Variants in AGBL1 observed in about 807,000 individuals in gnomAD.
AGBL1 encodes AGBL carboxypeptidase 1.
Under a neutral mutation model 118.9 loss-of-function variants are expected in AGBL1, and 130 were observed. That is an observed-to-expected ratio of 1.09 (90% CI 0.95 to 1.26). AGBL1 has a LOEUF of 1.26. Ranked by LOEUF, AGBL1 falls within the 50% of genes most tolerant of loss-of-function variation. The pLI is 0.00. For missense variants in AGBL1, 1,584 were observed against 1,298.1 expected, an observed-to-expected ratio of 1.22 and a Z score of -3.38; for synonymous variants, 555 against 478.9, an observed-to-expected ratio of 1.16 and a Z score of -2.08.
chr15:86,817,772 A>G (rs1408770326), intron 22 of AGBL1, among the ~76,000 whole-genome samples: 2 of 152,058 alleles, frequency 1.3e-5, no homozygotes, highest in Admixed American at 1.3e-4. Flanking sequence ...ATGTGTGTTT[A>G]TTTGCAAACA....
At chr15:86,546,297 G>A (rs1018153255) in intron 20 of AGBL1, among the ~76,000 whole-genome samples, 164 bp downstream of exon 20, 1 of 150,834 alleles carries the variant, frequency 6.6e-6, no homozygotes, top group Non-Finnish European at 1.5e-5. Context: ...CTGGAAGCAT[G>A]TGTAACCTCT....
chr15:86,565,287 G>A (rs1317264656), intron 21 of AGBL1, among the ~76,000 whole-genome samples: 1 of 152,176 alleles, frequency 6.6e-6, no homozygotes, highest in Non-Finnish European at 1.5e-5. Flanking sequence ...CTTTGATGAT[G>A]GTGACGTACA....
chr15:86,787,671 A>G (rs183943974), intron 22 of AGBL1, among the ~76,000 whole-genome samples: 169 of 152,218 alleles, frequency 1.1e-3, no homozygotes, highest in African/African-American at 3.9e-3. Flanking sequence ...TTTGCCTAAT[A>G]TGAATAGTCC....
At chr15:86,225,612 G>T (rs2078349488) in intron 6 of AGBL1, among the ~76,000 whole-genome samples, 1 of 152,144 alleles carries the variant, frequency 6.6e-6, no homozygotes, top group African/African-American at 2.4e-5. Context: ...TCAATTTCAT[G>T]TGTGCAATAT....
At chr15:86,186,684 C>A (rs1373863091) in intron 5 of AGBL1, among the ~76,000 whole-genome samples, 1 of 152,206 alleles carries the variant, frequency 6.6e-6, no homozygotes, top group Non-Finnish European at 1.5e-5. Context: ...CAGAGGGTAT[C>A]ATTACTTTCA....
Position 86,914,772 on chromosome 15 carries a change from A to G in AGBL1, c.*7478A>G, listed in dbSNP as rs1469213338. On this transcript the variant is annotated 3_prime_UTR_variant, in exon 23 of 23. Coordinates refer to ENST00000614907, the MANE Select transcript of AGBL1 (RefSeq NM_001386094.1). Reference sequence around the variant, plus strand: ...ACTCTTAAACTTGCTCTCCAAGGAAAAACATCTTTCTTCAAAGACCCCTAA... The same window carrying G: ...ACTCTTAAACTTGCTCTCCAAGGAAGAACATCTTTCTTCAAAGACCCCTAA... 3 of 152,184 alleles carry G rather than the reference A, an allele frequency of 2.0e-5. No individual in the cohort carries two copies. The South Asian group carries it at 6.2e-4, about 32-fold the overall frequency. The allele number at this position is 152,184 out of a possible 1,614,324, so 9.4% of individuals were successfully genotyped here.
At position 86,736,199 on chromosome 15, in the gene AGBL1, G is replaced by A. The variant is rs113893141; in HGVS notation, c.3158+61763G>A. Among the ~76,000 whole-genome samples the A allele has an allele frequency of 2.5e-4, 38 of 152,216 alleles. 2 individuals are homozygous for A. The highest frequency in any genetic ancestry group is 8.9e-4 in the African/African-American group (37 of 41,540). ...ACATCAAGACCATCCTGTCCAATAT[G>A]GTGAAACCCATCTCTACTAAAAATA... On this transcript the variant is annotated intron_variant, in intron 22 of 22. Transcript: ENST00000614907.
At chr15:86,340,495 C>T (rs1247282497) in intron 17 of AGBL1, among the ~76,000 whole-genome samples, 2 of 152,050 alleles carry the variant, frequency 1.3e-5, no homozygotes, top group Non-Finnish European at 2.9e-5. Flanking sequence ...ATGCAGAGCC[C>T]AAGATTAGGG....
chr15:86,856,150 T>C (rs537831091), intron 22 of AGBL1, among the ~76,000 whole-genome samples: 48 of 152,308 alleles, frequency 3.2e-4, no homozygotes, highest in African/African-American at 9.6e-4. Flanking sequence ...CTTTCACAGT[T>C]AGCTCCAGGC....
intron 22 of AGBL1, among the ~76,000 whole-genome samples, chr15:86,730,703 A>G (rs1426821357): frequency 1.3e-5 from 2 of 152,196 alleles, no homozygotes; most frequent in African/African-American, 2.4e-5. Flanking sequence ...AACTGCTTGG[A>G]AAAAAATAAG....
intron 18 of AGBL1, among the ~76,000 whole-genome samples, chr15:86,476,748 A>C (rs1281588939): frequency 2.6e-5 from 4 of 152,188 alleles, no homozygotes; most frequent in African/African-American, 4.8e-5. Flanking sequence ...ACATCTACGG[A>C]ACTCTCCACC....
At chr15:86,206,042 G>T (rs937113022) in intron 5 of AGBL1, among the ~76,000 whole-genome samples, 2 of 152,084 alleles carry the variant, frequency 1.3e-5, no homozygotes, top group African/African-American at 4.8e-5. Context: ...TGTTCTCATT[G>T]TTCGATTCTG....
chr15:86,771,857 C>T (rs1275149001), intron 22 of AGBL1, among the ~76,000 whole-genome samples: 3 of 151,940 alleles, frequency 2.0e-5, no homozygotes, highest in Admixed American at 6.6e-5. Flanking sequence ...GCCTATTGGC[C>T]CCTAAGGCTG....
At chr15:86,239,531 C>T (rs1225044316) in intron 6 of AGBL1, among the ~76,000 whole-genome samples, 1 of 152,014 alleles carries the variant, frequency 6.6e-6, no homozygotes, top group African/African-American at 2.4e-5. Context: ...TGGTGCCGCA[C>T]TCACACCTGG....
chr15:86,352,219 C>A (rs1421101769), intron 17 of AGBL1, among the ~76,000 whole-genome samples: 2 of 152,190 alleles, frequency 1.3e-5, no homozygotes, highest in Admixed American at 1.3e-4. Flanking sequence ...ACTAAAGCAA[C>A]TATGATATAG....
intron 21 of AGBL1, among the ~76,000 whole-genome samples, chr15:86,617,760 G>GCACACA (rs5814253): frequency 0.01 from 1,474 of 146,912 alleles, 11 homozygotes; most frequent in Middle Eastern, 0.017. Flanking sequence ...AACTTTATGC[G>GCACACA]CACACACACA....
intron 17 of AGBL1, among the ~76,000 whole-genome samples, chr15:86,346,866 A>T (rs879312391): frequency 1.3e-5 from 2 of 152,214 alleles, no homozygotes; most frequent in Non-Finnish European, 2.9e-5. Flanking sequence ...AATGTGCCAT[A>T]CAGCAAGACT....
chr15:86,211,834 C>T (rs1200814587), intron 5 of AGBL1, among the ~76,000 whole-genome samples: 1 of 152,134 alleles, frequency 6.6e-6, no homozygotes, highest in Admixed American at 6.5e-5. Context: ...AGTTCACCCT[C>T]CATGGGCTAT....
chr15:86,620,384 C>T (rs1297200407), intron 21 of AGBL1, among the ~76,000 whole-genome samples: 1 of 152,170 alleles, frequency 6.6e-6, no homozygotes, highest in African/African-American at 2.4e-5. Flanking sequence ...ATAAACTTCA[C>T]GCTGTCAGGA....
Sources: allele counts gnomAD v4.1 joint callset (sites outside exome capture counted in the v4.1 genomes callset), GRCh38; gene constraint gnomAD v4.1.1; transcripts MANE v1.5; gene names NCBI Gene and HGNC (gene_info 2026-07-23, HGNC 2026-07-21).